Variants in SPATA17 observed in about 807,000 individuals in gnomAD.
The protein encoded by SPATA17 is spermatogenesis associated 17.
A neutral mutation model predicts 62.2 loss-of-function variants in SPATA17; 53 were observed. That is an observed-to-expected ratio of 0.85 (90% CI 0.68 to 1.07). SPATA17 has a LOEUF of 1.07. SPATA17 is among the 50% of genes least tolerant of loss of function. The pLI is 0.00. For synonymous variants in SPATA17, 146 were observed against 146.8 expected, an observed-to-expected ratio of 0.99 and a Z score of 0.04; for missense variants, 466 against 425.5, an observed-to-expected ratio of 1.10 and a Z score of -0.84.
At chr1:217,850,250 C>T (rs962197380) in intron 9 of SPATA17, among the ~76,000 whole-genome samples, 1 of 151,674 alleles carries the variant, frequency 6.6e-6, no homozygotes, top group Admixed American at 6.6e-5. Context: ...CCAGAATTTT[C>T]TTTAATGCTA....
intron 8 of SPATA17, among the ~76,000 whole-genome samples, chr1:217,793,988 C>T (rs1004463521): frequency 6.6e-6 from 1 of 151,648 alleles, no homozygotes; most frequent in Non-Finnish European, 1.5e-5. Context: ...TGGTGGCGGG[C>T]GCCTGTAGTC....
intron 6 of SPATA17, among the ~76,000 whole-genome samples, chr1:217,770,835 G>T (rs1377539445): frequency 6.6e-6 from 1 of 151,962 alleles, no homozygotes; most frequent in Non-Finnish European, 1.5e-5. Flanking sequence ...TGTAATGCTA[G>T]GGGTGACTGG....
intron 5 of SPATA17, among the ~76,000 whole-genome samples, chr1:217,697,694 CAG>C (rs957155149): frequency 1.3e-5 from 2 of 151,716 alleles, no homozygotes; most frequent in African/African-American, 4.8e-5. Context: ...TTTAAAAAAA[CAG>C]AAAACATTTA....
chr1:217,784,282 A>G (rs896169283), intron 8 of SPATA17, among the ~76,000 whole-genome samples: 38 of 152,174 alleles, frequency 2.5e-4, no homozygotes, highest in African/African-American at 8.2e-4. Context: ...CACAAAACCA[A>G]CTTTACCTAT....
chr1:217,704,222 C>A (rs1671676755), intron 5 of SPATA17, among the ~76,000 whole-genome samples: 1 of 135,898 alleles, frequency 7.4e-6, no homozygotes, highest in Non-Finnish European at 1.6e-5. Context: ...TCTCCTCCTT[C>A]CCTCTACCTT....
At chr1:217,657,248 G>A (rs1333777258) in intron 3 of SPATA17, among the ~76,000 whole-genome samples, 1 of 152,122 alleles carries the variant, frequency 6.6e-6, no homozygotes, top group Non-Finnish European at 1.5e-5. Flanking sequence ...CCATAGGAAT[G>A]CCAAATGCTG....
intron 9 of SPATA17, among the ~76,000 whole-genome samples, chr1:217,809,967 T>G (rs760150337): frequency 6.6e-6 from 1 of 152,216 alleles, no homozygotes; most frequent in Non-Finnish European, 1.5e-5. Flanking sequence ...AAACATTTGT[T>G]GTTTTTATAC....
chr1:217,658,450 C>T (rs1670488659), intron 3 of SPATA17, among the ~76,000 whole-genome samples: 1 of 152,110 alleles, frequency 6.6e-6, no homozygotes, highest in Admixed American at 6.5e-5. Context: ...AAATTGACCT[C>T]TTTTCTTTAT....
At chr1:217,745,452 T>C (rs924489691) in intron 6 of SPATA17, among the ~76,000 whole-genome samples, 1 of 152,186 alleles carries the variant, frequency 6.6e-6, no homozygotes, top group Non-Finnish European at 1.5e-5. Context: ...TCATATGTTC[T>C]CTTCCTTATA....
intron 7 of SPATA17, among the ~76,000 whole-genome samples, chr1:217,779,712 T>C (rs1316081292): frequency 6.6e-6 from 1 of 152,082 alleles, no homozygotes; most frequent in Non-Finnish European, 1.5e-5. Context: ...TCCTGTGTGT[T>C]ACCAATAATA....
At chr1:217,742,169 G>T (rs2102948337) in intron 6 of SPATA17, 71 bp downstream of exon 6, 2 of 1,558,646 alleles carry the variant, frequency 1.3e-6, no homozygotes, top group Admixed American at 1.8e-5. Flanking sequence ...TAAACTAGCA[G>T]GCTGAATGGG....
chr1:217,835,450 TTATC>T (rs1419493898), intron 9 of SPATA17, among the ~76,000 whole-genome samples: 1 of 152,178 alleles, frequency 6.6e-6, no homozygotes, highest in Admixed American at 6.6e-5. Context: ...GCTGGCGTAT[TTATC>T]TATCTCTAAT....
intron 5 of SPATA17, among the ~76,000 whole-genome samples, chr1:217,696,132 A>G (rs1226114800): frequency 2.0e-5 from 3 of 152,184 alleles, no homozygotes; most frequent in Non-Finnish European, 4.4e-5. Flanking sequence ...CTGCTGTGCT[A>G]GCAATCAGCG....
chr1:217,781,853 C>A (rs527486216), intron 7 of SPATA17, among the ~76,000 whole-genome samples: 1 of 152,012 alleles, frequency 6.6e-6, no homozygotes, highest in African/African-American at 2.4e-5. Context: ...TTATACTGAA[C>A]AAAATGTGCT....
chr1:217,647,708 T>A (rs1670217496), intron 1 of SPATA17, among the ~76,000 whole-genome samples: 1 of 151,658 alleles, frequency 6.6e-6, no homozygotes, highest in African/African-American at 2.4e-5. Flanking sequence ...TTCACTTTAG[T>A]CAAGCCTCTT....
chr1:217,801,682 A>G, intron 8 of SPATA17, 36 bp from the exon 9 acceptor site: 1 of 1,547,572 alleles, frequency 6.5e-7, no homozygotes, highest in Non-Finnish European at 8.8e-7. Flanking sequence ...GTCTCTAGAA[A>G]TCAAGTTAAG....
intron 9 of SPATA17, among the ~76,000 whole-genome samples, chr1:217,852,474 T>C (rs575118474): frequency 2.6e-5 from 4 of 152,280 alleles, no homozygotes; most frequent in Admixed American, 6.5e-5. Flanking sequence ...CAATGCATGT[T>C]GTGTGATGAC....
At chr1:217,751,952 T>C (rs1313706826) in intron 6 of SPATA17, among the ~76,000 whole-genome samples, 1 of 152,222 alleles carries the variant, frequency 6.6e-6, no homozygotes. Flanking sequence ...CAGATCCATG[T>C]GTTATGGGCC....
intron 6 of SPATA17, among the ~76,000 whole-genome samples, chr1:217,769,884 G>A (rs1244208949): frequency 6.6e-6 from 1 of 152,156 alleles, no homozygotes; most frequent in Non-Finnish European, 1.5e-5. Flanking sequence ...GTAATTGAAT[G>A]TAGAATATCT....
Sources: allele counts gnomAD v4.1 joint callset (sites outside exome capture counted in the v4.1 genomes callset), GRCh38; gene constraint gnomAD v4.1.1; transcripts MANE v1.5; gene names NCBI Gene and HGNC (gene_info 2026-07-23, HGNC 2026-07-21).